The following NTNG1 variants were observed in gnomAD, a reference collection of about 807,000 sequenced individuals.
NTNG1 encodes netrin G1.
NTNG1 carries 16 observed loss-of-function variants against 54.0 expected under a neutral mutation model. That is an observed-to-expected ratio of 0.30 (90% CI 0.20 to 0.45). The LOEUF is 0.45. NTNG1 is among the 20% of genes least tolerant of loss of function. The pLI is 1.00. For synonymous variants in NTNG1, 255 were observed against 263.1 expected, an observed-to-expected ratio of 0.97 and a Z score of 0.30; for missense variants, 530 against 678.7, an observed-to-expected ratio of 0.78 and a Z score of 2.43.
intron 5 of NTNG1, chr1:107,408,795 C>T (rs1359044510): frequency 1.3e-5 from 2 of 151,936 alleles, no homozygotes; most frequent in Admixed American, 6.6e-5. Flanking sequence ...GGTGCTGTGC[C>T]AGGCAGGGTG....
intron 2 of NTNG1, among the ~76,000 whole-genome samples, chr1:107,273,242 T>A (rs1386814267): frequency 6.6e-6 from 1 of 151,820 alleles, no homozygotes; most frequent in East Asian, 1.9e-4. Flanking sequence ...GGGAAGTGAG[T>A]GCTGAGTGAT....
rs541295759 is a variant in NTNG1 at position 107,373,705 on chromosome 1, A to AT, written c.888-21441dup. Among the ~76,000 whole-genome samples, 559 of 136,056 alleles carry AT rather than the reference A, an allele frequency of 4.1e-3. 6 individuals are homozygous for AT. Among genetic ancestry groups the AT allele is most frequent in the African/African-American group, 0.014 (520 of 36,616 alleles). 89.3% of individuals were successfully genotyped at this position (136,056 alleles called of 152,430 possible). ...CTTCTTTTTTATTTTTTATTTATTT[A>AT]TTTTTTTTCAAGAGACAGGGTCTCA... On this transcript the variant is annotated intron_variant, in intron 3 of 7. Transcript: ENST00000370068.
At chr1:107,307,293 C>G (rs188510408) in intron 2 of NTNG1, among the ~76,000 whole-genome samples, 2 of 152,224 alleles carry the variant, frequency 1.3e-5, no homozygotes, top group African/African-American at 2.4e-5. Flanking sequence ...TAACTGAGTG[C>G]TGACCTATTA....
At chr1:107,182,687 G>C (rs569153189) in intron 2 of NTNG1, among the ~76,000 whole-genome samples, 5 of 152,210 alleles carry the variant, frequency 3.3e-5, no homozygotes, top group Admixed American at 3.3e-4. Context: ...TGAGATTTGA[G>C]CTGCACAGGA....
intron 7 of NTNG1, among the ~76,000 whole-genome samples, chr1:107,448,385 A>T (rs957272131): frequency 2.0e-5 from 3 of 152,108 alleles, no homozygotes; most frequent in Non-Finnish European, 4.4e-5. Context: ...GAATGGACTG[A>T]GGCCCAGAGA....
intron 5 of NTNG1, among the ~76,000 whole-genome samples, chr1:107,420,768 T>C (rs189846279): frequency 6.6e-6 from 1 of 152,138 alleles, no homozygotes; most frequent in Non-Finnish European, 1.5e-5. Context: ...ACTCCTACTT[T>C]AAAAGATTGA....
At chr1:107,374,925 A>C (rs1408893672) in intron 3 of NTNG1, among the ~76,000 whole-genome samples, 1 of 151,876 alleles carries the variant, frequency 6.6e-6, no homozygotes, top group African/African-American at 2.4e-5. Flanking sequence ...GTCTAGGGTT[A>C]ATTATTCCTC....
At chr1:107,310,231 CAT>C (rs1469673457) in intron 2 of NTNG1, among the ~76,000 whole-genome samples, 2 of 152,132 alleles carry the variant, frequency 1.3e-5, no homozygotes, top group Non-Finnish European at 2.9e-5. Flanking sequence ...GATTTTTGCA[CAT>C]GTTGTCTTCA....
chr1:107,410,720 A>T (rs1570902061), intron 5 of NTNG1: 1 of 152,334 alleles, frequency 6.6e-6, no homozygotes, highest in African/African-American at 2.4e-5. Flanking sequence ...TGCTGCCGAT[A>T]ATCCAAAGTA....
intron 2 of NTNG1, among the ~76,000 whole-genome samples, chr1:107,262,725 A>G (rs1055925915): frequency 6.6e-6 from 1 of 152,194 alleles, no homozygotes; most frequent in East Asian, 1.9e-4. Context: ...CTGTGAGTGT[A>G]TTTGTCTTCT....
intron 5 of NTNG1, among the ~76,000 whole-genome samples, chr1:107,425,197 A>T (rs1228556961): frequency 6.6e-6 from 1 of 152,006 alleles, no homozygotes; most frequent in Non-Finnish European, 1.5e-5. Flanking sequence ...TAAAAAAAAA[A>T]ATTAGATTCA....
At chr1:107,357,010 A>G (rs1375711881) in intron 3 of NTNG1, among the ~76,000 whole-genome samples, 1 of 152,142 alleles carries the variant, frequency 6.6e-6, no homozygotes, top group African/African-American at 2.4e-5. Flanking sequence ...CTCAAAAATA[A>G]AAGACCAATC....
At chr1:107,221,927 C>T (rs1660373657) in intron 2 of NTNG1, among the ~76,000 whole-genome samples, 1 of 152,122 alleles carries the variant, frequency 6.6e-6, no homozygotes, top group African/African-American at 2.4e-5. Context: ...AGCCTCATTT[C>T]CAACCTTTCC....
intron 2 of NTNG1, among the ~76,000 whole-genome samples, chr1:107,245,702 G>A (rs1410422512): frequency 2.0e-5 from 3 of 152,174 alleles, no homozygotes; most frequent in African/African-American, 7.2e-5. Flanking sequence ...AGGGTGAAAA[G>A]CAAATGCGTA....
intron 2 of NTNG1, among the ~76,000 whole-genome samples, chr1:107,212,192 C>T (rs1029894225): frequency 1.3e-5 from 2 of 152,068 alleles, no homozygotes; most frequent in South Asian, 4.1e-4. Flanking sequence ...GTAGTAGCAT[C>T]GCCCACACTT....
intron 2 of NTNG1, among the ~76,000 whole-genome samples, chr1:107,193,559 G>A (rs1472868711): frequency 6.6e-6 from 1 of 151,884 alleles, no homozygotes; most frequent in Non-Finnish European, 1.5e-5. Context: ...ACTTTCATAC[G>A]CAGCAGCCCT....
At chr1:107,450,547 A>G (rs1676561731) in intron 7 of NTNG1, among the ~76,000 whole-genome samples, 1 of 152,132 alleles carries the variant, frequency 6.6e-6, no homozygotes, top group Non-Finnish European at 1.5e-5. Context: ...ATGACATAAT[A>G]AAACGAAAGC....
chr1:107,167,837 A>G (rs1165111396), intron 2 of NTNG1, among the ~76,000 whole-genome samples: 1 of 151,778 alleles, frequency 6.6e-6, no homozygotes, highest in African/African-American at 2.4e-5. Flanking sequence ...TTTCATGTGT[A>G]TATTGTTTGT....
chr1:107,392,373 A>G (rs562184145), intron 3 of NTNG1, among the ~76,000 whole-genome samples: 3 of 152,130 alleles, frequency 2.0e-5, no homozygotes, highest in Admixed American at 2.0e-4. Flanking sequence ...GAAGTTAAGG[A>G]GTGCAGACAA....
Sources: gnomAD v4.1 joint callset for allele counts (sites outside exome capture counted in the v4.1 genomes callset) on GRCh38, gnomAD v4.1.1 for gene constraint, MANE v1.5 for transcripts, NCBI Gene and HGNC (gene_info 2026-07-23, HGNC 2026-07-21) for gene names.